Variants in ADCY8 observed in about 807,000 individuals in gnomAD.
The protein encoded by ADCY8 is adenylate cyclase type 8.
In ADCY8, 51 loss-of-function variants were observed where a neutral mutation model predicts 119.7. The ratio of observed to expected loss-of-function variants is 0.43; its 90% confidence interval spans 0.34 to 0.54. The LOEUF is 0.54. Among genes scored for constraint, ADCY8 ranks in the 20% least tolerant of loss-of-function variants. ADCY8 has a pLI of 0.03. For synonymous variants in ADCY8, 665 were observed against 651.0 expected (o/e 1.02, Z -0.33); for missense variants, 1,383 against 1,598.8 (o/e 0.87, Z 2.30).
intron 2 of ADCY8, among the ~76,000 whole-genome samples, chr8:130,967,147 C>T (rs1341026198): frequency 6.6e-6 from 1 of 152,146 alleles, no homozygotes; most frequent in African/African-American, 2.4e-5. Context: ...GGAATTTTCA[C>T]CCATAAATGT....
At chr8:130,893,855 G>T (rs1197531064) in intron 7 of ADCY8, among the ~76,000 whole-genome samples, 2 of 142,090 alleles carry the variant, frequency 1.4e-5, no homozygotes, top group Non-Finnish European at 3.0e-5. Flanking sequence ...TGTGTTTTGG[G>T]GTGTGCATGT....
intron 12 of ADCY8, among the ~76,000 whole-genome samples, chr8:130,832,914 T>C (rs1201691154): frequency 6.6e-6 from 1 of 152,212 alleles, no homozygotes; most frequent in African/African-American, 2.4e-5. Context: ...CATATGACTT[T>C]GCATATGCAA....
chr8:130,822,434 A>C (rs192320486), intron 12 of ADCY8, among the ~76,000 whole-genome samples: 1 of 152,274 alleles, frequency 6.6e-6, no homozygotes, highest in African/African-American at 2.4e-5. Context: ...GTGAGTGCTA[A>C]AGTGAAGAGG....
At chr8:130,844,027 G>A (rs1442454782) in intron 11 of ADCY8, among the ~76,000 whole-genome samples, 1 of 152,140 alleles carries the variant, frequency 6.6e-6, no homozygotes, top group Non-Finnish European at 1.5e-5. Flanking sequence ...AGCATGCCAA[G>A]ACACAGATGA....
Position 130,836,414 on chromosome 8 carries a change from G to T in ADCY8, c.2538C>A (p.Thr846=). 6.2e-7 allele frequency: 1 copy of T among 1,613,842 alleles called. No individual in the cohort carries two copies. The change falls in exon 12 of 18, where the codon ACC becomes ACA. Residue 846 remains threonine, a synonymous_variant. Coordinates refer to ENST00000286355, the MANE Select transcript of ADCY8 (RefSeq NM_001115.3). ...FVFTGVLAMV[T]CAVFLRLNSV... ...AGTTCAGCCGGAGGAAAACTGCACAGGTCACCATGGCCAACACCCCCGTGA... is the reference window on the plus strand; with the variant it reads ...AGTTCAGCCGGAGGAAAACTGCACATGTCACCATGGCCAACACCCCCGTGA...
chr8:130,909,739 C>T lies in ADCY8; in HGVS notation c.1609G>A (p.Ala537Thr), dbSNP rs75890340. 3 of 1,614,002 alleles carry T rather than the reference C, an allele frequency of 1.9e-6. No individual in the cohort carries two copies. The highest frequency in any genetic ancestry group is 2.7e-5 in the African/African-American group (2 of 74,914). ...FDVWSWDVDI[A>T]NKLESGGIPG... is the part of the protein sequence containing the mutation. ...ATTCCTCCAGATTCGAGTTTGTTTGCAATATCCACATCCCAAGACCAGACA... is the reference window on the plus strand; with the variant it reads ...ATTCCTCCAGATTCGAGTTTGTTTGTAATATCCACATCCCAAGACCAGACA... Residue 537 changes from alanine (A) to threonine (T), a missense_variant, in exon 6 of 18, where the codon GCA (alanine) becomes ACA (threonine). Ala to Thr is a moderately conservative substitution (Grantham distance 58, BLOSUM62 0). This residue lies in a region of ADCY8 where 928 missense variants were observed against 1,163.5 expected (regional missense o/e 0.80). Coordinates refer to ENST00000286355, the MANE Select transcript of ADCY8 (RefSeq NM_001115.3).
Position 130,783,673 on chromosome 8 carries a change from C to A in ADCY8, c.3268+18G>T. The A allele has an allele frequency of 6.3e-7, 1 of 1,590,986 alleles. No individual in the cohort carries two copies. The highest frequency in any genetic ancestry group is 8.6e-7 in the Non-Finnish European group (1 of 1,161,846). On this transcript the variant is annotated intron_variant, in intron 17 of 17. Transcript: ENST00000286355. Reference sequence around the variant, plus strand: ...GGTCAGCTGGCTCTATCAGGCCCCACCTGCAGCTGCTACTCACCAATCCGG... The same window carrying A: ...GGTCAGCTGGCTCTATCAGGCCCCAACTGCAGCTGCTACTCACCAATCCGG...
chr8:130,991,731 A>C (rs1013311780), intron 1 of ADCY8, among the ~76,000 whole-genome samples: 20 of 152,258 alleles, frequency 1.3e-4, no homozygotes, highest in Admixed American at 7.8e-4. Context: ...CTCAAGAGAA[A>C]AGATAGTCAA....
At chr8:131,019,828 T>C in intron 1 of ADCY8, among the ~76,000 whole-genome samples, 1 of 127,258 alleles carries the variant, frequency 7.9e-6, no homozygotes, top group East Asian at 2.7e-4. Flanking sequence ...TCTCTCTCTC[T>C]CTCTCTCTCT....
At chr8:130,858,818 G>T (rs1310581072) in intron 9 of ADCY8, among the ~76,000 whole-genome samples, 1 of 151,798 alleles carries the variant, frequency 6.6e-6, no homozygotes, top group Non-Finnish European at 1.5e-5. Flanking sequence ...TTATTTTGTT[G>T]CTCAATTTAT....
chr8:130,843,480 C>T (rs7004930), intron 11 of ADCY8, among the ~76,000 whole-genome samples: 1,952 of 152,302 alleles, frequency 0.013, 40 homozygotes, highest in African/African-American at 0.045. Context: ...GGGAGTCCAC[C>T]TTGGTTTCCT....
chr8:130,845,167 C>A (rs1002770455), intron 11 of ADCY8, among the ~76,000 whole-genome samples: 2 of 152,132 alleles, frequency 1.3e-5, no homozygotes, highest in African/African-American at 2.4e-5. Context: ...GCTGTGTGAT[C>A]AAAAATCTTA....
Position 130,951,997 on chromosome 8 carries a change from T to C in ADCY8, c.1112A>G (p.Glu371Gly). ...LRLETENQRQ[E>G]RLVLSVLPRF... ...GGGGAGCACAGAAAGCACGAGCCGC[T>C]CCTGGAACAAATGAAGAGGGACGGT... Residue 371 changes from glutamate to glycine, a missense_variant and splice_region_variant, in exon 3 of 18, where the codon GAG (glutamate) becomes GGG (glycine). Around this residue, in one of 2 missense-constraint regions of ADCY8, gnomAD observed 928 missense variants for 1,163.5 expected, o/e 0.80. Transcript: ENST00000286355. 2 of 1,613,902 alleles carry C rather than the reference T, an allele frequency of 1.2e-6. No individual in the cohort carries two copies. Among genetic ancestry groups the C allele is most frequent in the Non-Finnish European group, 1.7e-6 (2 of 1,179,878 alleles).
intron 2 of ADCY8, among the ~76,000 whole-genome samples, chr8:130,962,360 G>GC (rs1821630068): frequency 6.6e-6 from 1 of 152,142 alleles, no homozygotes. Flanking sequence ...TCCTTTTCTG[G>GC]CTTTGGGGAT....
At chr8:130,852,208 G>T (rs1469674535) in intron 9 of ADCY8, among the ~76,000 whole-genome samples, 2 of 152,172 alleles carry the variant, frequency 1.3e-5, no homozygotes, top group African/African-American at 4.8e-5. Flanking sequence ...CTACTTTAAG[G>T]CTGGAAAGTG....
In ADCY8 at chr8:130,847,522, T is replaced by TAAAAAAAAAAAAAAAAAAAA; in HGVS notation, c.2413-10_2413-9insTTTTTTTTTTTTTTTTTTTT. On this transcript the variant is annotated splice_polypyrimidine_tract_variant and intron_variant, in intron 10 of 17. Transcript: ENST00000286355. ...TCAAAATCACACCACAGCTGCGGAT[T>TAAAAAAAAAAAAAAAAAAAA]AAAAAAAAAAAAAAAAGAACAACAA... The TAAAAAAAAAAAAAAAAAAAA allele has an allele frequency of 7.0e-7, 1 of 1,438,558 alleles. No homozygotes were observed. The highest frequency in any genetic ancestry group is 9.3e-7 in the Non-Finnish European group (1 of 1,070,316). 89.1% of individuals were successfully genotyped at this position (1,438,558 alleles called of 1,614,324 possible). A position where few individuals can be genotyped will look rare whatever the true frequency, so the allele number is the denominator to read the frequency against.
chr8:130,980,474 AG>A (rs1385211362), intron 2 of ADCY8, among the ~76,000 whole-genome samples: 1 of 152,216 alleles, frequency 6.6e-6, no homozygotes, highest in Non-Finnish European at 1.5e-5. Flanking sequence ...AGAAGGAAGT[AG>A]GGTTAGAAAC....
chr8:130,907,980 G>A (rs1013804045), intron 6 of ADCY8, among the ~76,000 whole-genome samples: 7 of 152,100 alleles, frequency 4.6e-5, no homozygotes, highest in African/African-American at 1.2e-4. Context: ...ACTTAGAAGT[G>A]AGAACATGTG....
intron 2 of ADCY8, among the ~76,000 whole-genome samples, chr8:130,987,790 G>A (rs1055466669): frequency 1.3e-5 from 2 of 152,102 alleles, no homozygotes; most frequent in Admixed American, 6.6e-5. Context: ...GGGACCTAAC[G>A]ATGATTCTGG....
Sources: allele counts gnomAD v4.1 joint callset (sites outside exome capture counted in the v4.1 genomes callset), GRCh38; gene constraint gnomAD v4.1.1; regional missense constraint gnomAD v4.1.1; transcripts MANE v1.5; gene names NCBI Gene and HGNC (gene_info 2026-07-23, HGNC 2026-07-21).